Variants in RAD51B observed in about 807,000 individuals in gnomAD.
The protein encoded by RAD51B is RAD51 paralog B, also known as DNA repair protein RAD51 homolog 2.
RAD51B carries 38 observed loss-of-function variants against 42.2 expected under a neutral mutation model. The ratio of observed to expected loss-of-function variants is 0.90; its 90% CI spans 0.70 to 1.18. The LOEUF (loss-of-function observed/expected upper bound fraction) is 1.18, where lower values mean the gene tolerates loss of function less well. Ranked by LOEUF, RAD51B falls within the 50% of genes most tolerant of loss-of-function variation. The probability of loss-of-function intolerance (pLI) is 0.00; values close to 1 mark genes in which losing one functional copy is unlikely to be tolerated. For synonymous variants in RAD51B, 154 were observed against 145.2 expected (o/e 1.06, Z -0.43); for missense variants, 373 against 400.7 (o/e 0.93, Z 0.59).
At chr14:68,468,570 G>A (rs1164913924) in intron 10 of RAD51B, 3 of 381,554 alleles carry the variant, frequency 7.9e-6, no homozygotes, top group East Asian at 6.3e-5. Context: ...ATGGCATGAA[G>A]TGGGCAATGA....
intron 7 of RAD51B, among the ~76,000 whole-genome samples, chr14:67,939,967 A>T (rs2045103972): frequency 7.1e-6 from 1 of 140,398 alleles, no homozygotes; most frequent in African/African-American, 2.7e-5. Context: ...AACATACATT[A>T]TATATATATA....
rs117657870 is a variant in RAD51B, at chr14:68,239,353, G to A, written c.757-52531G>A. On this transcript the variant is annotated intron_variant, in intron 7 of 10. Coordinates refer to ENST00000471583, the MANE Select transcript of RAD51B (RefSeq NM_133510.4). Reference sequence around the variant, plus strand: ...CCAAACACTGAGAAATCCTAAGTGTGTCAAGTCAGCCCAAGAACACTTACA... The same window carrying A: ...CCAAACACTGAGAAATCCTAAGTGTATCAAGTCAGCCCAAGAACACTTACA... Among the ~76,000 whole-genome samples, 412 of 152,252 alleles carry A rather than the reference G, an allele frequency of 2.7e-3. 6 individuals are homozygous for A. The highest frequency in any genetic ancestry group is 2.4e-3 in the Non-Finnish European group (161 of 68,012).
chr14:68,563,677 A>C (rs1303054988), intron 10 of RAD51B: 1 of 985,472 alleles, frequency 1.0e-6, no homozygotes, highest in Non-Finnish European at 1.2e-6. Flanking sequence ...GGCAGAAACC[A>C]AAATTCCCAG....
chr14:68,666,355 G>C (rs1020038652), intron 11 of RAD51B, among the ~76,000 whole-genome samples: 3 of 152,238 alleles, frequency 2.0e-5, no homozygotes, highest in Non-Finnish European at 4.4e-5. Context: ...GGCAACCAAA[G>C]AGCCGTAGTT....
chr14:68,643,928 A>G (rs1272106167), intron 10 of RAD51B, among the ~76,000 whole-genome samples: 3 of 152,144 alleles, frequency 2.0e-5, no homozygotes, highest in African/African-American at 4.8e-5. Flanking sequence ...CTAGTAAGCT[A>G]TCATCTCTCA....
chr14:68,402,757 A>G (rs1299152737), intron 8 of RAD51B, among the ~76,000 whole-genome samples: 1 of 152,222 alleles, frequency 6.6e-6, no homozygotes, highest in Non-Finnish European at 1.5e-5. Context: ...GAGGTTCTCG[A>G]TGAGGAACTC....
rs550977139 is a variant in RAD51B, at chr14:68,102,814, G to A, written c.757-189070G>A. Among the ~76,000 whole-genome samples the A allele has an allele frequency of 2.0e-5, 3 of 152,084 alleles. No homozygotes were observed. The East Asian group carries it at 5.8e-4, about 29-fold the overall frequency. ...CTACTGGTACCAGTTTACTATATTA[G>A]TCTGTTCTTATGCTGCTAATAAAGA... On this transcript the variant is annotated intron_variant, in intron 7 of 10. Transcript: ENST00000471583.
intron 7 of RAD51B, among the ~76,000 whole-genome samples, chr14:68,110,179 A>G (rs2077438456): frequency 6.6e-6 from 1 of 152,018 alleles, no homozygotes; most frequent in African/African-American, 2.4e-5. Context: ...ATAGGGACAC[A>G]GCTGTCTGCA....
intron 10 of RAD51B, among the ~76,000 whole-genome samples, chr14:68,504,666 T>C (rs1033265130): frequency 4.3e-5 from 4 of 92,326 alleles, no homozygotes; most frequent in Admixed American, 2.0e-4. Context: ...TTCTTTCTTT[T>C]TTTTTTTTTT....
At chr14:68,457,096 A>G (rs1227070531) in intron 9 of RAD51B, among the ~76,000 whole-genome samples, 1 of 151,628 alleles carries the variant, frequency 6.6e-6, no homozygotes, top group African/African-American at 2.4e-5. Flanking sequence ...TATGTTTAGT[A>G]GAGACAGGGT....
chr14:68,127,221 C>G (rs2077780026), intron 7 of RAD51B, among the ~76,000 whole-genome samples: 1 of 152,156 alleles, frequency 6.6e-6, no homozygotes, highest in South Asian at 2.1e-4. Flanking sequence ...CTACTCCACC[C>G]AGACCATTGA....
At chr14:68,373,628 G>A (rs938537898) in intron 8 of RAD51B, among the ~76,000 whole-genome samples, 3 of 152,026 alleles carry the variant, frequency 2.0e-5, no homozygotes, top group Non-Finnish European at 4.4e-5. Context: ...GTGGGTGGGG[G>A]GCAAGGGCAA....
intron 10 of RAD51B, among the ~76,000 whole-genome samples, chr14:68,609,450 GCTCA>G (rs1044321645): frequency 1.3e-5 from 2 of 152,202 alleles, no homozygotes; most frequent in African/African-American, 4.8e-5. Context: ...CCCCCTCAGA[GCTCA>G]CTCACTCACA....
intron 4 of RAD51B, among the ~76,000 whole-genome samples, chr14:67,837,218 G>A (rs2041274415): frequency 6.6e-6 from 1 of 151,896 alleles, no homozygotes; most frequent in Non-Finnish European, 1.5e-5. Context: ...GCCACCAGGT[G>A]GTGCCAGAAT....
chr14:67,951,511 G>A (rs891034320), intron 7 of RAD51B, among the ~76,000 whole-genome samples: 1 of 152,104 alleles, frequency 6.6e-6, no homozygotes. Flanking sequence ...AGTTTAAAAG[G>A]CTTAAGCAGA....
At chr14:68,479,667 C>CTTTT (rs34999023), downstream of RAD51B, among the ~76,000 whole-genome samples, 319 of 96,398 alleles carry the variant, frequency 3.3e-3, 4 homozygotes, top group African/African-American at 5.6e-3. Flanking sequence ...TCTTATTCTT[C>CTTTT]TTTTTTTTTT....
chr14:68,274,177 C>A (rs187840628), intron 7 of RAD51B, among the ~76,000 whole-genome samples: 113 of 152,164 alleles, frequency 7.4e-4, no homozygotes, highest in African/African-American at 2.5e-3. Context: ...GGACGATGAC[C>A]ATAGGGTACT....
chr14:67,854,943 G>A (rs1340941274), intron 4 of RAD51B, among the ~76,000 whole-genome samples: 1 of 152,182 alleles, frequency 6.6e-6, no homozygotes, highest in African/African-American at 2.4e-5. Context: ...TCAGCCTGGG[G>A]TGAGATCCTG....
intron 9 of RAD51B, among the ~76,000 whole-genome samples, chr14:68,458,861 G>A (rs2085770634): frequency 6.6e-6 from 1 of 152,092 alleles, no homozygotes; most frequent in Non-Finnish European, 1.5e-5. Context: ...TTCCAGCACT[G>A]TATTACTTCT....
Sources: gnomAD v4.1 joint callset for allele counts (sites outside exome capture counted in the v4.1 genomes callset) on GRCh38, gnomAD v4.1.1 for gene constraint, MANE v1.5 for transcripts, NCBI Gene and HGNC (gene_info 2026-07-23, HGNC 2026-07-21) for gene names.